The following CYP4Z1 variants were observed in gnomAD, a reference collection of about 807,000 sequenced individuals.
The protein encoded by CYP4Z1 is cytochrome P450 4Z1.
Under a neutral mutation model 54.2 loss-of-function variants are expected in CYP4Z1, and 41 were observed. The observed-to-expected ratio is 0.76, with a 90% CI of 0.59 to 0.98. CYP4Z1 has a LOEUF of 0.98. Among genes scored for constraint, CYP4Z1 ranks in the 50% least tolerant of loss-of-function variants. CYP4Z1 has a pLI of 0.00. For synonymous variants in CYP4Z1, 163 were observed against 206.2 expected (o/e 0.79, Z 1.79); for missense variants, 513 against 599.0 (o/e 0.86, Z 1.50).
At chr1:47,079,459 G>A (rs1184552925) in intron 2 of CYP4Z1, among the ~76,000 whole-genome samples, 7 of 152,140 alleles carry the variant, frequency 4.6e-5, no homozygotes, top group Admixed American at 4.6e-4. Context: ...TTTTCCTGAT[G>A]TCACTCTTAG....
chr1:47,106,394 G>A (rs1312963331), intron 9 of CYP4Z1, 133 bp downstream of exon 9: 2 of 1,151,740 alleles, frequency 1.7e-6, no homozygotes, highest in Admixed American at 2.9e-5. Flanking sequence ...TTCCCAGAGA[G>A]GGAGAAAGAG....
At chr1:47,064,847 A>G (rs1303292318), upstream of CYP4Z1, among the ~76,000 whole-genome samples, 1 of 152,212 alleles carries the variant, frequency 6.6e-6, no homozygotes, top group Non-Finnish European at 1.5e-5. Context: ...AGGTAAGTGG[A>G]AAAAGATATT....
At chr1:47,099,551 G>C (rs1644705447) in intron 8 of CYP4Z1, among the ~76,000 whole-genome samples, 1 of 152,088 alleles carries the variant, frequency 6.6e-6, no homozygotes, top group Admixed American at 6.5e-5. Flanking sequence ...AGAATAGTCT[G>C]CCTACCTTTT....
intron 2 of CYP4Z1, among the ~76,000 whole-genome samples, chr1:47,072,918 T>A (rs78413751): frequency 0.042 from 6,216 of 146,528 alleles, 16 homozygotes; most frequent in African/African-American, 0.11. Flanking sequence ...ATAGGCATTG[T>A]CTTTTATGTG....
upstream of CYP4Z1, among the ~76,000 whole-genome samples, chr1:47,063,935 G>A (rs1160896249): frequency 6.6e-6 from 1 of 152,090 alleles, no homozygotes; most frequent in Non-Finnish European, 1.5e-5. Flanking sequence ...TAGGCACATA[G>A]CCATCAGGTT....
intron 8 of CYP4Z1, among the ~76,000 whole-genome samples, chr1:47,104,871 C>A (rs981590153): frequency 6.6e-6 from 1 of 151,912 alleles, no homozygotes; most frequent in Admixed American, 6.5e-5. Context: ...AGAATGGCAG[C>A]AGCTGAGCTA....
chr1:47,069,670 G>T (rs1644477969), intron 2 of CYP4Z1, among the ~76,000 whole-genome samples: 1 of 151,852 alleles, frequency 6.6e-6, no homozygotes, highest in South Asian at 2.1e-4. Context: ...TCTCTTCAGT[G>T]TGTTCACTCC....
At position 47,115,541 on chromosome 1, in the gene CYP4Z1, T is replaced by A. The variant is rs1292731078; in HGVS notation, c.1214T>A (p.Phe405Tyr). 8 of 1,613,616 alleles carry A rather than the reference T, an allele frequency of 5.0e-6. No homozygotes were observed. In the East Asian group the frequency reaches 1.8e-4, roughly 36 times the overall value. Residue 405 changes from phenylalanine (F) to tyrosine (Y), a missense_variant, in exon 10 of 12, where the codon TTT (phenylalanine) becomes TAT (tyrosine). Transcript: ENST00000334194. ...GRSLPAGITV[F>Y]INIWALHHNP... ...TCTGTTTACTCAGGAATAACTGTGT[T>A]TATCAATATTTGGGCTCTTCACCAC...
chr1:47,113,361 C>A (rs1644806548), intron 9 of CYP4Z1, among the ~76,000 whole-genome samples: 1 of 152,176 alleles, frequency 6.6e-6, no homozygotes, highest in South Asian at 2.1e-4. Context: ...AGGCTCTATA[C>A]ATGAGGTTCC....
intron 6 of CYP4Z1, among the ~76,000 whole-genome samples, chr1:47,087,511 A>G (rs567789219): frequency 2.0e-5 from 3 of 152,330 alleles, no homozygotes; most frequent in East Asian, 1.9e-4. Flanking sequence ...TTATTGGTGT[A>G]TAAGAATGCT....
chr1:47,088,730 C>T (rs1177802704), intron 6 of CYP4Z1, among the ~76,000 whole-genome samples: 1 of 138,808 alleles, frequency 7.2e-6, no homozygotes, highest in East Asian at 2.1e-4. Context: ...GATCCTCCTG[C>T]CTCAGCCCCC....
chr1:47,102,172 CA>C, intron 8 of CYP4Z1, among the ~76,000 whole-genome samples: 2 of 152,262 alleles, frequency 1.3e-5, no homozygotes, highest in African/African-American at 4.8e-5. Flanking sequence ...TTGTATACAG[CA>C]TATAGTTGGG....
chr1:47,109,519 C>T (rs1414949590), intron 9 of CYP4Z1, among the ~76,000 whole-genome samples: 2 of 152,098 alleles, frequency 1.3e-5, no homozygotes, highest in Non-Finnish European at 1.5e-5. Context: ...TAATTTAGAG[C>T]CTAGGGTACA....
At chr1:47,113,984 C>T (rs2148542964) in intron 9 of CYP4Z1, among the ~76,000 whole-genome samples, 1 of 152,280 alleles carries the variant, frequency 6.6e-6, no homozygotes, top group Admixed American at 6.5e-5. Context: ...GTCCGCATCG[C>T]CAAGTCAATC....
chr1:47,112,562 CTT>C (rs1644801251), intron 9 of CYP4Z1, among the ~76,000 whole-genome samples: 1 of 152,090 alleles, frequency 6.6e-6, no homozygotes, highest in South Asian at 2.1e-4. Context: ...ATAAAAATCA[CTT>C]ATGTATATAA....
chr1:47,089,463 G>A (rs1331652862), intron 6 of CYP4Z1, among the ~76,000 whole-genome samples: 2 of 152,012 alleles, frequency 1.3e-5, no homozygotes, highest in African/African-American at 4.8e-5. Flanking sequence ...AGTCAAGGGG[G>A]AAATGTATGC....
chr1:47,067,719 TAA>T, intron 1 of CYP4Z1, 52 bp downstream of exon 1: 1 of 1,466,954 alleles, frequency 6.8e-7, no homozygotes, highest in Non-Finnish European at 9.2e-7. Flanking sequence ...GATGAGGTAT[TAA>T]AAAAAAACAG....
At chr1:47,063,043 A>C (rs1440500184), upstream of CYP4Z1, among the ~76,000 whole-genome samples, 1 of 152,198 alleles carries the variant, frequency 6.6e-6, no homozygotes, top group African/African-American at 2.4e-5. Context: ...AGAGACCTGA[A>C]GATGGATCAC....
intron 2 of CYP4Z1, among the ~76,000 whole-genome samples, chr1:47,077,542 G>A (rs2148527519): frequency 6.6e-6 from 1 of 151,998 alleles, no homozygotes; most frequent in East Asian, 1.9e-4. Context: ...TTTAATTGAA[G>A]TTTAATCCAT....
Sources: gnomAD v4.1 joint callset for allele counts (sites outside exome capture counted in the v4.1 genomes callset) on GRCh38, gnomAD v4.1.1 for gene constraint, MANE v1.5 for transcripts, NCBI Gene and HGNC (gene_info 2026-07-23, HGNC 2026-07-21) for gene names.